Variants in KIF17 observed in about 807,000 individuals in gnomAD.
KIF17 encodes kinesin-like protein KIF17.
In KIF17, 80 loss-of-function variants were observed where a neutral mutation model predicts 96.8. The observed-to-expected ratio is 0.83, with a 90% CI of 0.69 to 1.00. KIF17 has a LOEUF of 1.00. KIF17 is among the 50% of genes least tolerant of loss of function. KIF17 has a pLI of 0.00. For synonymous variants in KIF17, 567 were observed against 587.5 expected, an observed-to-expected ratio of 0.97 and a Z score of 0.51; for missense variants, 1,280 against 1,372.9, an observed-to-expected ratio of 0.93 and a Z score of 1.07.
At position 20,697,560 on chromosome 1, in the gene KIF17, T is replaced by C. The variant is rs574516965; in HGVS notation, c.1233+819A>G. Among the ~76,000 whole-genome samples the C allele has an allele frequency of 1.1e-4, 17 of 152,218 alleles. 1 individual carries two copies. The South Asian group carries it at 3.5e-3, about 32-fold the overall frequency. ...AGTTTGAAGGTGCAGTGAGTTGAGA[T>C]TGCACCACTGCACTCCAGCCTGGGT... On this transcript the variant is annotated intron_variant, in intron 6 of 14. Transcript: ENST00000400463.
Position 20,690,352 on chromosome 1 carries a change from G to GGGGGGGGGGGGCCCCC in KIF17, c.1234-18_1234-17insGGGGGCCCCCCCCCCC. ...TTCATACTCCTGGGGGGGTGGGAGGGACCAGAGGGCAGGCAGCATTTTATC... is the reference window on the plus strand; with the variant it reads ...TTCATACTCCTGGGGGGGTGGGAGGGGGGGGGGGGGGCCCCCACCAGAGGGCAGGCAGCATTTTATC... On this transcript the variant is annotated splice_polypyrimidine_tract_variant and intron_variant, in intron 6 of 14. Transcript: ENST00000400463. 8.9e-6 allele frequency: 4 copies of GGGGGGGGGGGGCCCCC among 451,150 alleles called. No homozygotes were observed. The highest frequency in any genetic ancestry group is 1.3e-5 in the Non-Finnish European group (3 of 235,134). The allele number at this position is 451,150 out of a possible 1,614,324, so 27.9% of individuals were successfully genotyped here.
intron 5 of KIF17, among the ~76,000 whole-genome samples, chr1:20,701,410 G>A (rs757275595): frequency 3.9e-5 from 6 of 152,036 alleles, no homozygotes; most frequent in Admixed American, 6.5e-5. Flanking sequence ...CAGCCTGGGC[G>A]GCAGAGCAAG....
rs1333767298 is a variant in KIF17 at position 20,695,041 on chromosome 1, CAT to C, written c.1233+3336_1233+3337del. Among the ~76,000 whole-genome samples, 3 of 152,272 alleles carry C rather than the reference CAT, an allele frequency of 2.0e-5. No individual in the cohort carries two copies. The East Asian group carries it at 5.8e-4, about 29-fold the overall frequency. On this transcript the variant is annotated intron_variant, in intron 6 of 14. Transcript: ENST00000400463. ...ATGCAGGCACACACATGCAGGCACA[CAT>C]GTGCACACATGCATACACATGCACC...
At chr1:20,682,080 G>A (rs1382687511) in intron 11 of KIF17, among the ~76,000 whole-genome samples, 1 of 151,998 alleles carries the variant, frequency 6.6e-6, no homozygotes, top group African/African-American at 2.4e-5. Context: ...TTTCTCTCCT[G>A]TGTTATTTCT....
At chr1:20,707,993 C>T (rs571867012) in intron 4 of KIF17, among the ~76,000 whole-genome samples, 3 of 151,500 alleles carry the variant, frequency 2.0e-5, no homozygotes, top group Non-Finnish European at 4.4e-5. Flanking sequence ...CCTACCATTC[C>T]CTACTTTACC....
chr1:20,717,079 C>T (rs1012505315), intron 1 of KIF17, among the ~76,000 whole-genome samples: 1 of 152,186 alleles, frequency 6.6e-6, no homozygotes, highest in Non-Finnish European at 1.5e-5. Context: ...GTGCCTCATG[C>T]CTGTGATCCC....
downstream of KIF17, among the ~76,000 whole-genome samples, chr1:20,662,937 C>T (rs891495237): frequency 6.6e-6 from 1 of 152,170 alleles, no homozygotes; most frequent in African/African-American, 2.4e-5. Flanking sequence ...CCCATAAAGA[C>T]CTGATATCGA....
chr1:20,712,592 ATCT>A lies in KIF17; in HGVS notation c.480+859_480+861del, dbSNP rs1458844442. On this transcript the variant is annotated intron_variant, in intron 3 of 14. Transcript: ENST00000400463. ...TATAGATAATATTATCTATATATAT[ATCT>A]ATATATATCTATATATATATAATAT... 3.6e-3 allele frequency among the ~76,000 whole-genome samples: 57 copies of A among 15,696 alleles called. 11 individuals are homozygous for A. Among genetic ancestry groups the A allele is most frequent in the African/African-American group, 8.7e-3 (54 of 6,238 alleles). The allele number at this position is 15,696 out of a possible 152,430, so 10.3% of individuals were successfully genotyped here.
intron 5 of KIF17, among the ~76,000 whole-genome samples, chr1:20,701,572 C>G (rs1287462556): frequency 6.6e-6 from 1 of 152,180 alleles, no homozygotes; most frequent in East Asian, 1.9e-4. Flanking sequence ...AGCAGAGGAC[C>G]AGCCTGGGAC....
Position 20,709,751 on chromosome 1 carries a change from C to T in KIF17, c.558G>A (p.Glu186=). 1.9e-6 allele frequency: 3 copies of T among 1,614,176 alleles called. No individual in the cohort carries two copies. The highest frequency in any genetic ancestry group is 2.5e-6 in the Non-Finnish European group (3 of 1,180,034). ...TCTTCCAGCCAGTCTCCATGATGTG[C>T]TCACACTGGGCCACGCTGTGCACCG... ...MHTVHSVAQC[E]HIMETGWKNR... is the part of the protein sequence containing the mutation. Residue 186 remains glutamate, a synonymous_variant, in exon 4 of 15, where the codon GAG becomes GAA. Coordinates refer to ENST00000400463, the MANE Select transcript of KIF17 (RefSeq NM_001122819.3). This position sits in a 1 kb window ranked among gnomAD's most constrained non-coding sequence, Gnocchi z 4.7.
Position 20,717,819 on chromosome 1 carries a change from A to AGGCAGGGGCGG in KIF17, c.-124_-114dup. On this transcript the variant is annotated 5_prime_UTR_variant, in exon 1 of 15. Transcript: ENST00000400463. ...GCCGGCCACGGGGGGCGGGGCCTTG[A>AGGCAGGGGCGG]GGCAGGGGCGGGGCCGCGGCGGGGG... The AGGCAGGGGCGG allele has an allele frequency of 8.6e-7, 1 of 1,166,894 alleles. No individual in the cohort carries two copies. Among genetic ancestry groups the AGGCAGGGGCGG allele is most frequent in the Non-Finnish European group, 1.1e-6 (1 of 921,800 alleles). 72.3% of individuals were successfully genotyped at this position (1,166,894 alleles called of 1,614,324 possible).
chr1:20,666,505 C>T (rs2053532086), intron 13 of KIF17, among the ~76,000 whole-genome samples, 174 bp from the exon 14 acceptor site: 1 of 152,176 alleles, frequency 6.6e-6, no homozygotes. Context: ...AGATCCTGGA[C>T]TCGGGGGTGG....
intron 6 of KIF17, among the ~76,000 whole-genome samples, chr1:20,696,982 G>T (rs2054153322): frequency 1.3e-5 from 2 of 152,220 alleles, no homozygotes; most frequent in Admixed American, 1.3e-4. Context: ...AGCCTGCAGG[G>T]GCGGACGGCG....
intron 8 of KIF17, among the ~76,000 whole-genome samples, chr1:20,686,991 C>A (rs1242884860): frequency 2.0e-5 from 3 of 152,072 alleles, no homozygotes; most frequent in Non-Finnish European, 4.4e-5. Flanking sequence ...TTCCCACAGA[C>A]CCCCCACCCA....
In KIF17 at chr1:20,687,291, G is replaced by A. The variant is rs1036460923; in HGVS notation, c.1938+97C>T. ...TGGAGCCACGGCCTGAGTGTCGGAGGCCATGTGTGTGAACAGTGTGTGCAC... is the reference window on the plus strand; with the variant it reads ...TGGAGCCACGGCCTGAGTGTCGGAGACCATGTGTGTGAACAGTGTGTGCAC... On this transcript the variant is annotated intron_variant, in intron 8 of 14. Transcript: ENST00000400463. The surrounding 1 kb of genome is among the most constrained non-coding windows in gnomAD (Gnocchi z 4.4). The A allele has an allele frequency of 2.8e-5, 38 of 1,354,274 alleles. No homozygotes were observed. The South Asian group carries it at 4.3e-4, about 15-fold the overall frequency. The allele number at this position is 1,354,274 out of a possible 1,614,324, so 83.9% of individuals were successfully genotyped here.
At chr1:20,701,100 T>G (rs534222728) in intron 5 of KIF17, among the ~76,000 whole-genome samples, 7 of 152,232 alleles carry the variant, frequency 4.6e-5, no homozygotes, top group African/African-American at 1.7e-4. Flanking sequence ...TTCCTTTCAG[T>G]GGCGCGGATC....
chr1:20,665,523 C>A (rs895579828), intron 14 of KIF17, among the ~76,000 whole-genome samples: 2 of 151,714 alleles, frequency 1.3e-5, no homozygotes, highest in Non-Finnish European at 2.9e-5. Context: ...CCTCAGCCCC[C>A]TGAGTAGTTG....
At chr1:20,716,989 A>G (rs2154538137) in intron 1 of KIF17, among the ~76,000 whole-genome samples, 1 of 152,298 alleles carries the variant, frequency 6.6e-6, no homozygotes, top group South Asian at 2.1e-4. Context: ...GCAAAGACCC[A>G]TGCTGTAACC....
At position 20,687,618 on chromosome 1, in the gene KIF17, C is replaced by T. The variant is rs1168527505; in HGVS notation, c.1708G>A (p.Glu570Lys). 6.2e-7 allele frequency: 1 copy of T among 1,614,140 alleles called. No homozygotes were observed. The highest frequency in any genetic ancestry group is 1.7e-5 in the Admixed American group (1 of 60,026). Residue 570 changes from glutamate (E) to lysine (K), a missense_variant, in exon 8 of 15, where the codon GAG becomes AAG. By Grantham distance (56) the Glu-to-Lys change is moderately conservative (BLOSUM62 1). Coordinates refer to ENST00000400463, the MANE Select transcript of KIF17 (RefSeq NM_001122819.3). This position sits in a 1 kb window ranked among gnomAD's most constrained non-coding sequence, Gnocchi z 4.4. The stretch of plus-strand genomic sequence containing the variant: ...TCCAGGAAGTATCTGCTCCTGGACT[C>T]CTCAGTGGGCATGGAGACCTCCACG... ...SNVEVSMPTE[E>K]SRSRYFLDEC...
Sources: allele counts gnomAD v4.1 joint callset (sites outside exome capture counted in the v4.1 genomes callset), GRCh38; gene constraint gnomAD v4.1.1; non-coding constraint Gnocchi (gnomAD v3.1); transcripts MANE v1.5; gene names NCBI Gene and HGNC (gene_info 2026-07-23, HGNC 2026-07-21).